The following N4BP2L2 variants were observed in gnomAD, a reference collection of about 807,000 sequenced individuals.
The protein encoded by N4BP2L2 is NEDD4-binding protein 2-like 2.
A neutral mutation model predicts 56.2 loss-of-function variants in N4BP2L2; 50 were observed. The observed-to-expected ratio is 0.89, with a 90% confidence interval of 0.71 to 1.13. N4BP2L2 has a LOEUF of 1.13. Among genes scored for constraint, N4BP2L2 ranks in the 50% most tolerant of loss-of-function variants. N4BP2L2 has a pLI of 0.00. For missense variants in N4BP2L2, 689 were observed against 693.8 expected, an observed-to-expected ratio of 0.99 and a Z score of 0.08; for synonymous variants, 203 against 223.6, an observed-to-expected ratio of 0.91 and a Z score of 0.82.
At chr13:32,477,279 C>G in intron 6 of N4BP2L2, 1 of 246,262 alleles carries the variant, frequency 4.1e-6, no homozygotes, top group South Asian at 7.6e-5. Context: ...CAATGACCCC[C>G]TTAAGAACCA....
At chr13:32,506,745 A>G (rs1000241441), downstream of N4BP2L2, 2 of 152,158 alleles carry the variant, frequency 1.3e-5, no homozygotes, top group Non-Finnish European at 2.9e-5. Context: ...CAAGGAATTG[A>G]GAGGTGGTTA....
chr13:32,528,852 C>T (rs537874263), intron 2 of N4BP2L2, among the ~76,000 whole-genome samples: 4 of 152,256 alleles, frequency 2.6e-5, no homozygotes, highest in South Asian at 2.1e-4. Flanking sequence ...CATCCCTCAG[C>T]TTATAATGGT....
intron 5 of N4BP2L2, among the ~76,000 whole-genome samples, chr13:32,519,357 C>T (rs891626186): frequency 1.3e-5 from 2 of 151,872 alleles, no homozygotes; most frequent in South Asian, 2.1e-4. Flanking sequence ...TGCAGTGAGC[C>T]AAGATCGTCA....
chr13:32,532,683 C>T (rs569267205), intron 2 of N4BP2L2, among the ~76,000 whole-genome samples: 3 of 149,872 alleles, frequency 2.0e-5, no homozygotes, highest in Non-Finnish European at 3.0e-5. Context: ...CTCTGCCTCC[C>T]GGGTTCAAGC....
chr13:32,451,097 A>C (rs1266567256), intron 6 of N4BP2L2, among the ~76,000 whole-genome samples: 1 of 152,114 alleles, frequency 6.6e-6, no homozygotes, highest in East Asian at 1.9e-4. Flanking sequence ...TCAACCACAC[A>C]ACTGGAGAAG....
intron 6 of N4BP2L2, among the ~76,000 whole-genome samples, chr13:32,473,295 A>T (rs974945836): frequency 1.3e-5 from 2 of 152,066 alleles, no homozygotes; most frequent in Admixed American, 6.5e-5. Context: ...AAAAAAAAAA[A>T]ATTAAATATT....
intron 6 of N4BP2L2, among the ~76,000 whole-genome samples, chr13:32,460,008 A>G (rs746773111): frequency 3.3e-5 from 5 of 152,216 alleles, no homozygotes; most frequent in Non-Finnish European, 7.4e-5. Flanking sequence ...CAACATACAC[A>G]AATCAATAAA....
At chr13:32,517,301 A>C in exon 6 of N4BP2L2, 1 of 987,322 alleles carries the variant, frequency 1.0e-6, no homozygotes, top group African/African-American at 1.7e-5. Flanking sequence ...ATTATAGCTA[A>C]GAAATAATTT....
chr13:32,496,484 A>C (rs1041252927), intron 6 of N4BP2L2, among the ~76,000 whole-genome samples: 1 of 152,242 alleles, frequency 6.6e-6, no homozygotes, highest in Non-Finnish European at 1.5e-5. Context: ...TAAGAATGAC[A>C]GCTTACTCCA....
At chr13:32,434,407 A>G (rs977777655) in intron 9 of N4BP2L2, among the ~76,000 whole-genome samples, 3 of 151,894 alleles carry the variant, frequency 2.0e-5, no homozygotes, top group Admixed American at 2.0e-4. Flanking sequence ...CAGTTTTTTC[A>G]TTTAATAACT....
intron 6 of N4BP2L2, among the ~76,000 whole-genome samples, chr13:32,494,114 A>G (rs1178859462): frequency 6.6e-6 from 1 of 151,904 alleles, no homozygotes; most frequent in African/African-American, 2.4e-5. Context: ...TCTACTAAAA[A>G]TAAAAAAAAA....
At chr13:32,518,901 C>A (rs887392790) in intron 5 of N4BP2L2, among the ~76,000 whole-genome samples, 7 of 151,916 alleles carry the variant, frequency 4.6e-5, no homozygotes, top group African/African-American at 1.5e-4. Flanking sequence ...TATTCTGGAC[C>A]CTCAAAGAAC....
chr13:32,505,007 G>C (rs951509817), intron 6 of N4BP2L2: 1 of 152,278 alleles, frequency 6.6e-6, no homozygotes, highest in African/African-American at 2.4e-5. Context: ...CCACCTAACA[G>C]GGGTGGCAGC....
At chr13:32,520,257 C>G (rs937207507) in intron 5 of N4BP2L2, among the ~76,000 whole-genome samples, 2 of 150,750 alleles carry the variant, frequency 1.3e-5, no homozygotes, top group Non-Finnish European at 2.9e-5. Flanking sequence ...GAATTGTATG[C>G]AATTAAATAG....
At chr13:32,455,107 G>A (rs1300158553) in intron 6 of N4BP2L2, among the ~76,000 whole-genome samples, 1 of 152,212 alleles carries the variant, frequency 6.6e-6, no homozygotes, top group Non-Finnish European at 1.5e-5. Context: ...AGCAAAAGCA[G>A]CATGACACTA....
intron 3 of N4BP2L2, chr13:32,524,764 T>C (rs987971019): frequency 1.3e-5 from 2 of 152,074 alleles, no homozygotes; most frequent in Admixed American, 1.3e-4. Flanking sequence ...ACTAGTTTGT[T>C]TGTTTGTTTG....
downstream of N4BP2L2, chr13:32,505,832 A>G (rs1240735375): frequency 6.6e-6 from 1 of 152,158 alleles, no homozygotes; most frequent in Non-Finnish European, 1.5e-5. Flanking sequence ...CAGCTCTCCT[A>G]TTTTCTAAGC....
chr13:32,502,419 C>T (rs1055553058), intron 6 of N4BP2L2, among the ~76,000 whole-genome samples: 2 of 151,968 alleles, frequency 1.3e-5, no homozygotes, highest in African/African-American at 2.4e-5. Flanking sequence ...CATCTCTGCT[C>T]ATCTTCACTG....
chr13:32,514,496 T>A (rs893187010), exon 6 of N4BP2L2: 3 of 152,186 alleles, frequency 2.0e-5, no homozygotes, highest in African/African-American at 7.2e-5. Context: ...ATGGTTAGAA[T>A]AGGGCATAGC....
Sources: allele counts gnomAD v4.1 joint callset (sites outside exome capture counted in the v4.1 genomes callset), GRCh38; gene constraint gnomAD v4.1.1; transcripts MANE v1.5; gene names NCBI Gene and HGNC (gene_info 2026-07-23, HGNC 2026-07-21).